Variants in CTNND2 observed in about 807,000 individuals in gnomAD.
CTNND2 encodes catenin delta-2.
A neutral mutation model predicts 144.4 loss-of-function variants in CTNND2; 22 were observed. The ratio of observed to expected loss-of-function variants is 0.15; its 90% CI spans 0.11 to 0.22. The LOEUF (loss-of-function observed/expected upper bound fraction) is 0.22. Ranked by LOEUF, CTNND2 falls within the 10% of genes least tolerant of loss-of-function variation. The pLI, the probability that CTNND2 is intolerant of heterozygous loss-of-function variation, is 1.00. For synonymous variants in CTNND2, 751 were observed against 695.6 expected (o/e 1.08, Z -1.25); for missense variants, 1,353 against 1,618.8 (o/e 0.84, Z 2.82).
At chr5:11,469,048 T>C (rs1189300076) in intron 3 of CTNND2, among the ~76,000 whole-genome samples, 1 of 152,296 alleles carries the variant, frequency 6.6e-6, no homozygotes, top group East Asian at 1.9e-4. Context: ...AACGTTTTCC[T>C]CACCCAAGAC....
At chr5:11,896,155 C>A (rs1308060005) in intron 1 of CTNND2, among the ~76,000 whole-genome samples, 1 of 151,830 alleles carries the variant, frequency 6.6e-6, no homozygotes, top group Non-Finnish European at 1.5e-5. Flanking sequence ...ATATAACTAC[C>A]AAAAATGAAA....
At chr5:11,230,738 C>G (rs1341092256) in intron 10 of CTNND2, among the ~76,000 whole-genome samples, 1 of 152,186 alleles carries the variant, frequency 6.6e-6, no homozygotes, top group Non-Finnish European at 1.5e-5. Flanking sequence ...TTCTTCTGAT[C>G]TTATCTCAGT....
chr5:11,162,599 G>A (rs1758880470), intron 11 of CTNND2, among the ~76,000 whole-genome samples: 1 of 152,070 alleles, frequency 6.6e-6, no homozygotes, highest in Non-Finnish European at 1.5e-5. Flanking sequence ...AATGCACAAT[G>A]CTTCCTGGAC....
intron 3 of CTNND2, among the ~76,000 whole-genome samples, chr5:11,459,763 G>A (rs1239170209): frequency 6.6e-6 from 1 of 152,020 alleles, no homozygotes; most frequent in Non-Finnish European, 1.5e-5. Flanking sequence ...AGGAGTTGTG[G>A]GTACACTTGG....
chr5:11,876,469 A>G (rs571176685), intron 1 of CTNND2, among the ~76,000 whole-genome samples: 2 of 152,360 alleles, frequency 1.3e-5, no homozygotes, highest in South Asian at 4.1e-4. Flanking sequence ...CAAGTCTAAC[A>G]TTTAATCATA....
intron 1 of CTNND2, among the ~76,000 whole-genome samples, chr5:11,785,656 G>GA (rs5865966): frequency 4.6e-5 from 7 of 151,108 alleles, no homozygotes; most frequent in East Asian, 2.0e-4. Context: ...TTAAATAGTG[G>GA]AAAAAAAAAA....
intron 2 of CTNND2, among the ~76,000 whole-genome samples, chr5:11,723,986 C>T (rs544093837): frequency 2.0e-5 from 3 of 151,422 alleles, no homozygotes. Flanking sequence ...ACCCGGGAGG[C>T]GGACCTTGCA....
intron 11 of CTNND2, among the ~76,000 whole-genome samples, chr5:11,185,029 C>T (rs1271727771): frequency 6.6e-6 from 1 of 152,180 alleles, no homozygotes; most frequent in South Asian, 2.1e-4. Context: ...TGCATGCACA[C>T]GGATGACTCA....
At chr5:11,246,466 C>T (rs1249876602) in intron 9 of CTNND2, among the ~76,000 whole-genome samples, 1 of 151,972 alleles carries the variant, frequency 6.6e-6, no homozygotes, top group Non-Finnish European at 1.5e-5. Context: ...AGTGATGCAG[C>T]CACAAGCCCA....
intron 1 of CTNND2, among the ~76,000 whole-genome samples, chr5:11,820,143 C>T (rs947294318): frequency 6.6e-6 from 1 of 152,128 alleles, no homozygotes; most frequent in East Asian, 1.9e-4. Flanking sequence ...GACTCAGATA[C>T]GAAACCCCAT....
chr5:11,619,877 T>A (rs76981632), intron 2 of CTNND2, among the ~76,000 whole-genome samples: 2,198 of 151,102 alleles, frequency 0.015, 57 homozygotes, highest in African/African-American at 0.052. Flanking sequence ...GGTATTTAAA[T>A]CACTCACAGA....
intron 2 of CTNND2, among the ~76,000 whole-genome samples, chr5:11,637,501 C>T (rs769717559): frequency 6.6e-6 from 1 of 152,096 alleles, no homozygotes; most frequent in African/African-American, 2.4e-5. Flanking sequence ...GACAAAGTTA[C>T]TTTTTTAAAT....
intron 10 of CTNND2, among the ~76,000 whole-genome samples, chr5:11,228,882 A>T (rs1740659304): frequency 6.6e-6 from 1 of 152,158 alleles, no homozygotes; most frequent in African/African-American, 2.4e-5. Context: ...TAGGACTGAA[A>T]ATTTCATTTC....
At chr5:11,656,744 G>A (rs1380823438) in intron 2 of CTNND2, among the ~76,000 whole-genome samples, 2 of 152,262 alleles carry the variant, frequency 1.3e-5, no homozygotes, top group African/African-American at 4.8e-5. Flanking sequence ...CTCCGTAACA[G>A]TGAGGAAAGG....
chr5:11,558,686 T>A (rs1306539188), intron 3 of CTNND2, among the ~76,000 whole-genome samples: 1 of 152,100 alleles, frequency 6.6e-6, no homozygotes, highest in African/African-American at 2.4e-5. Flanking sequence ...TTGGTAGGTA[T>A]ACACAGGTGC....
At chr5:11,815,814 C>A (rs1262439178) in intron 1 of CTNND2, among the ~76,000 whole-genome samples, 1 of 152,188 alleles carries the variant, frequency 6.6e-6, no homozygotes, top group Non-Finnish European at 1.5e-5. Context: ...GACTTGCCAA[C>A]AGGTGGGGGA....
rs61751675 is a variant in CTNND2 at position 11,019,866 on chromosome 5, A to G, written c.3000-1808T>C. On this transcript the variant is annotated intron_variant, in intron 17 of 21. Transcript: ENST00000304623. ...TCCCATATAACTGTTAAAATTGGGGAAAAAAAACCAAATGTATTCTTGAGA... is the reference window on the plus strand; with the variant it reads ...TCCCATATAACTGTTAAAATTGGGGGAAAAAAACCAAATGTATTCTTGAGA... Among the ~76,000 whole-genome samples the G allele has an allele frequency of 2.3e-3, 352 of 152,258 alleles. 1 individual carries two copies. Among genetic ancestry groups the G allele is most frequent in the African/African-American group, 8.0e-3 (332 of 41,536 alleles).
chr5:11,207,284 T>C (rs569162854), intron 10 of CTNND2, among the ~76,000 whole-genome samples: 1 of 151,722 alleles, frequency 6.6e-6, no homozygotes, highest in East Asian at 1.9e-4. Context: ...ATACCTAACG[T>C]ACATGACGGG....
intron 15 of CTNND2, among the ~76,000 whole-genome samples, chr5:11,088,732 T>C (rs1425601265): frequency 4.0e-5 from 6 of 151,666 alleles, no homozygotes. Context: ...TTTGCTGAAG[T>C]CTTAGGTAGT....
Sources: allele counts gnomAD v4.1 joint callset (sites outside exome capture counted in the v4.1 genomes callset), GRCh38; gene constraint gnomAD v4.1.1; transcripts MANE v1.5; gene names NCBI Gene and HGNC (gene_info 2026-07-23, HGNC 2026-07-21).